ROBO1: variants seen among roughly 807,000 people sequenced by gnomAD.
ROBO1 encodes the protein roundabout guidance receptor 1.
A neutral mutation model predicts 195.9 loss-of-function variants in ROBO1; 149 were observed. The ratio of observed to expected loss-of-function variants is 0.76; its 90% CI spans 0.67 to 0.87. The LOEUF is 0.87. ROBO1 is among the 40% of genes least tolerant of loss of function. The pLI, the probability that ROBO1 is intolerant of heterozygous loss-of-function variation, is 0.00. For synonymous variants in ROBO1, 816 were observed against 733.2 expected (o/e 1.11, Z -1.82); for missense variants, 1,933 against 2,068.3 (o/e 0.93, Z 1.27).
chr3:78,603,347 A>T (rs1703285593), intron 29 of ROBO1, among the ~76,000 whole-genome samples: 1 of 152,144 alleles, frequency 6.6e-6, no homozygotes, highest in African/African-American at 2.4e-5. Context: ...CTTTCCTAAC[A>T]TTCTCTCAGA....
At chr3:78,609,271 C>T (rs1010563183) in intron 28 of ROBO1, among the ~76,000 whole-genome samples, 1 of 152,154 alleles carries the variant, frequency 6.6e-6, no homozygotes, top group Non-Finnish European at 1.5e-5. Flanking sequence ...ACCTCCCCAC[C>T]TCCATTTCAA....
At chr3:79,057,485 C>A (rs921191188) in intron 3 of ROBO1, among the ~76,000 whole-genome samples, 2 of 152,032 alleles carry the variant, frequency 1.3e-5, no homozygotes, top group Non-Finnish European at 2.9e-5. Flanking sequence ...TCCTCAGAAG[C>A]TGGCACACCA....
chr3:79,519,628 C>CAAAAAAAAAAAAAAAAAAAAA (rs71631657), intron 2 of ROBO1, among the ~76,000 whole-genome samples: 14 of 64,692 alleles, frequency 2.2e-4, no homozygotes, highest in Non-Finnish European at 3.4e-4. Context: ...GACTCCTGCT[C>CAAAAAAAAAAAAAAAAAAAAA]AAAAAAAAAA....
intron 8 of ROBO1, among the ~76,000 whole-genome samples, chr3:78,711,382 C>T (rs369671396): frequency 0.064 from 2,008 of 31,264 alleles, 90 homozygotes; most frequent in Middle Eastern, 0.18. Context: ...TTCCTTCCTT[C>T]CTTCCTTCCT....
intron 2 of ROBO1, among the ~76,000 whole-genome samples, chr3:79,312,193 A>G (rs779581346): frequency 3.9e-5 from 6 of 152,092 alleles, no homozygotes; most frequent in Non-Finnish European, 7.4e-5. Flanking sequence ...AACAATCTCC[A>G]TTGCCCACTT....
intron 7 of ROBO1, chr3:78,715,051 C>T (rs2081866104): frequency 6.6e-6 from 1 of 152,294 alleles, no homozygotes; most frequent in African/African-American, 2.4e-5. Context: ...CATCTTCCCT[C>T]CCTCTAAGTG....
intron 2 of ROBO1, among the ~76,000 whole-genome samples, chr3:79,246,316 G>T (rs1559762033): frequency 6.6e-6 from 1 of 152,118 alleles, no homozygotes; most frequent in Non-Finnish European, 1.5e-5. Flanking sequence ...ATGAGAAAAT[G>T]AAGGGAAACT....
chr3:79,309,610 AAAAT>A (rs971168458), intron 2 of ROBO1, among the ~76,000 whole-genome samples: 5 of 152,078 alleles, frequency 3.3e-5, no homozygotes, highest in Non-Finnish European at 2.9e-5. Flanking sequence ...GGTCTCAATA[AAAAT>A]AAATAAATAA....
At chr3:79,209,947 C>G (rs2081941004) in intron 2 of ROBO1, among the ~76,000 whole-genome samples, 1 of 151,916 alleles carries the variant, frequency 6.6e-6, no homozygotes, top group Non-Finnish European at 1.5e-5. Context: ...TTAACAGCTG[C>G]AAAACAAAAA....
chr3:78,707,032 G>C (rs549181489), intron 8 of ROBO1, among the ~76,000 whole-genome samples: 2 of 152,244 alleles, frequency 1.3e-5, no homozygotes, highest in African/African-American at 4.8e-5. Flanking sequence ...TACAGCCTGA[G>C]TTAGCAGAAA....
At chr3:79,120,725 T>TA (rs1360253906) in intron 3 of ROBO1, among the ~76,000 whole-genome samples, 2 of 151,836 alleles carry the variant, frequency 1.3e-5, no homozygotes, top group African/African-American at 2.4e-5. Flanking sequence ...TCTAGAATGT[T>TA]AAAAAAATGC....
chr3:78,964,634 T>C (rs983940826), intron 3 of ROBO1, among the ~76,000 whole-genome samples: 1 of 152,044 alleles, frequency 6.6e-6, no homozygotes, highest in African/African-American at 2.4e-5. Flanking sequence ...TGAAGAGCAG[T>C]GGGAAGAGAC....
chr3:79,278,827 A>ATG (rs2031276624), intron 2 of ROBO1, among the ~76,000 whole-genome samples: 1 of 152,206 alleles, frequency 6.6e-6, no homozygotes, highest in African/African-American at 2.4e-5. Flanking sequence ...ACTGAAGCAA[A>ATG]AATAAACAAA....
chr3:78,713,186 T>G (rs1358423283), intron 8 of ROBO1, among the ~76,000 whole-genome samples: 1 of 152,208 alleles, frequency 6.6e-6, no homozygotes, highest in Non-Finnish European at 1.5e-5. Context: ...ATCTTTCTTT[T>G]TTTCCTTTTG....
intron 10 of ROBO1, among the ~76,000 whole-genome samples, chr3:78,672,323 T>TA (rs1446661264): frequency 2.0e-5 from 3 of 152,150 alleles, no homozygotes; most frequent in African/African-American, 7.2e-5. Flanking sequence ...CTCACGCCTG[T>TA]AATCCTGCAC....
chr3:78,940,853 C>T (rs1223298171), intron 3 of ROBO1, among the ~76,000 whole-genome samples: 4 of 152,078 alleles, frequency 2.6e-5, no homozygotes, highest in Non-Finnish European at 5.9e-5. Context: ...CATTACAGTA[C>T]TCAGTAAACC....
chr3:78,936,972 C>T (rs2107675711), intron 4 of ROBO1, among the ~76,000 whole-genome samples: 1 of 152,210 alleles, frequency 6.6e-6, no homozygotes, highest in East Asian at 1.9e-4. Context: ...GTCATAAGTT[C>T]ATTGTTAGTT....
intron 4 of ROBO1, among the ~76,000 whole-genome samples, chr3:78,843,951 A>G (rs565451977): frequency 6.6e-5 from 10 of 152,266 alleles, no homozygotes; most frequent in African/African-American, 2.4e-4. Flanking sequence ...TTATCTGTAA[A>G]TCAGCAATTG....
chr3:79,248,343 A>G (rs2082660843), intron 2 of ROBO1, among the ~76,000 whole-genome samples: 1 of 148,362 alleles, frequency 6.7e-6, no homozygotes, highest in African/African-American at 2.5e-5. Context: ...GTTTATGCCT[A>G]ATAGATAAGG....
Sources: gnomAD v4.1 joint callset for allele counts (sites outside exome capture counted in the v4.1 genomes callset) on GRCh38, gnomAD v4.1.1 for gene constraint, MANE v1.5 for transcripts, NCBI Gene and HGNC (gene_info 2026-07-23, HGNC 2026-07-21) for gene names.